FSTL5: variants seen among roughly 807,000 people sequenced by gnomAD.
FSTL5 encodes the protein follistatin-related protein 5.
A neutral mutation model predicts 89.1 loss-of-function variants in FSTL5; 62 were observed. The ratio of observed to expected loss-of-function variants is 0.70; its 90% CI spans 0.57 to 0.86. The LOEUF (loss-of-function observed/expected upper bound fraction) is 0.86, where lower values mean the gene tolerates loss of function less well. Ranked by LOEUF, FSTL5 falls within the 40% of genes least tolerant of loss-of-function variation. The pLI, the probability that FSTL5 is intolerant of heterozygous loss-of-function variation, is 0.00. For synonymous variants in FSTL5, 383 were observed against 346.2 expected (o/e 1.11, Z -1.18); for missense variants, 1,057 against 1,001.6 (o/e 1.06, Z -0.75).
At chr4:161,852,887 C>T (rs1333438997) in intron 4 of FSTL5, among the ~76,000 whole-genome samples, 1 of 152,010 alleles carries the variant, frequency 6.6e-6, no homozygotes, top group Non-Finnish European at 1.5e-5. Context: ...TAATGGATAC[C>T]AGGCTTAATA....
intron 4 of FSTL5, among the ~76,000 whole-genome samples, chr4:161,826,655 T>TC (rs1560867617): frequency 6.6e-6 from 1 of 152,210 alleles, no homozygotes; most frequent in East Asian, 1.9e-4. Context: ...CCTTTCTTTG[T>TC]GTTTTTTATG....
chr4:162,005,947 C>T (rs968286904), intron 3 of FSTL5, among the ~76,000 whole-genome samples: 4 of 152,082 alleles, frequency 2.6e-5, no homozygotes, highest in Admixed American at 2.6e-4. Flanking sequence ...ATCAATTGTG[C>T]TGTTTTTATG....
intron 15 of FSTL5, among the ~76,000 whole-genome samples, chr4:161,426,744 C>G (rs540534550): frequency 6.6e-6 from 1 of 152,094 alleles, no homozygotes; most frequent in African/African-American, 2.4e-5. Flanking sequence ...AGTAAAACAA[C>G]CTTACTTTGT....
chr4:161,857,268 T>C (rs1366638791), intron 4 of FSTL5, among the ~76,000 whole-genome samples: 1 of 152,140 alleles, frequency 6.6e-6, no homozygotes, highest in African/African-American at 2.4e-5. Context: ...ATACATATTT[T>C]AAAGGTGTTG....
chr4:161,417,615 G>A (rs116228091), intron 15 of FSTL5, among the ~76,000 whole-genome samples: 102 of 152,314 alleles, frequency 6.7e-4, no homozygotes, highest in African/African-American at 2.4e-3. Flanking sequence ...CGGGGGCCAG[G>A]TTACCTGCCT....
intron 3 of FSTL5, among the ~76,000 whole-genome samples, chr4:161,937,712 C>T (rs1404087925): frequency 6.6e-6 from 1 of 152,042 alleles, no homozygotes; most frequent in Admixed American, 6.6e-5. Flanking sequence ...AGTCAGCTAC[C>T]AATACATTTT....
chr4:161,732,544 A>C (rs561848478), intron 6 of FSTL5, among the ~76,000 whole-genome samples: 2 of 152,052 alleles, frequency 1.3e-5, no homozygotes, highest in Admixed American at 6.6e-5. Context: ...AGTAATTTTT[A>C]TATATAATTA....
chr4:161,505,969 C>G (rs558676799), intron 11 of FSTL5, among the ~76,000 whole-genome samples: 1 of 152,272 alleles, frequency 6.6e-6, no homozygotes, highest in East Asian at 1.9e-4. Flanking sequence ...TCCCCTCCCC[C>G]CAATGCCATG....
At chr4:162,156,227 A>T (rs1733465371) in intron 1 of FSTL5, among the ~76,000 whole-genome samples, 1 of 152,216 alleles carries the variant, frequency 6.6e-6, no homozygotes, top group African/African-American at 2.4e-5. Flanking sequence ...GTTATGATTA[A>T]AAAGTCAAAA....
chr4:161,990,970 T>TTAG (rs1159599251), intron 3 of FSTL5, among the ~76,000 whole-genome samples: 2 of 152,102 alleles, frequency 1.3e-5, no homozygotes, highest in Non-Finnish European at 2.9e-5. Flanking sequence ...TAGCAGGATG[T>TTAG]TAGCAATGGA....
intron 2 of FSTL5, among the ~76,000 whole-genome samples, chr4:162,050,129 A>C (rs1738331388): frequency 6.6e-6 from 1 of 151,952 alleles, no homozygotes; most frequent in Non-Finnish European, 1.5e-5. Context: ...AAAGAGTTAA[A>C]TAAGTTGTAA....
intron 7 of FSTL5, among the ~76,000 whole-genome samples, chr4:161,633,291 T>TTTTTTATTA (rs70937669): frequency 1.4e-4 from 20 of 140,724 alleles, no homozygotes; most frequent in African/African-American, 4.9e-4. Flanking sequence ...ACTAATTCTT[T>TTTTTTATTA]TTATTATTAT....
At chr4:162,091,047 G>A (rs767554076) in intron 2 of FSTL5, among the ~76,000 whole-genome samples, 5 of 151,968 alleles carry the variant, frequency 3.3e-5, no homozygotes, top group East Asian at 1.9e-4. Flanking sequence ...AATCACTGAC[G>A]ATATTGAAGT....
At chr4:161,773,706 T>C (rs1342580438) in intron 5 of FSTL5, among the ~76,000 whole-genome samples, 1 of 152,114 alleles carries the variant, frequency 6.6e-6, no homozygotes, top group African/African-American at 2.4e-5. Flanking sequence ...TTGATGTGGA[T>C]GTGGTCAAAG....
At chr4:161,720,267 G>A (rs1739148927) in intron 6 of FSTL5, among the ~76,000 whole-genome samples, 1 of 150,160 alleles carries the variant, frequency 6.7e-6, no homozygotes, top group African/African-American at 2.4e-5. Context: ...TGAATAAAAT[G>A]CTGTGGTCAC....
chr4:161,897,237 A>T (rs1733189802), intron 4 of FSTL5, among the ~76,000 whole-genome samples: 1 of 151,890 alleles, frequency 6.6e-6, no homozygotes, highest in Admixed American at 6.6e-5. Flanking sequence ...TAATTTACAT[A>T]TTTATAATAG....
At chr4:162,047,365 CTT>C (rs1182820430) in intron 2 of FSTL5, 1 of 152,060 alleles carries the variant, frequency 6.6e-6, no homozygotes, top group Non-Finnish European at 1.5e-5. Context: ...CCTATTATCT[CTT>C]TTAAGGTGCC....
chr4:161,455,249 C>T, intron 14 of FSTL5, 121 bp from the exon 15 acceptor site: 1 of 624,444 alleles, frequency 1.6e-6, no homozygotes, highest in Non-Finnish European at 2.4e-6. Flanking sequence ...TTTATGCCAT[C>T]CTCAAAATCA....
intron 4 of FSTL5, among the ~76,000 whole-genome samples, chr4:161,874,108 A>G (rs1732362354): frequency 6.6e-6 from 1 of 152,104 alleles, no homozygotes; most frequent in African/African-American, 2.4e-5. Context: ...AATATATTAG[A>G]TGATACAAAC....
Sources: gnomAD v4.1 joint callset for allele counts (sites outside exome capture counted in the v4.1 genomes callset) on GRCh38, gnomAD v4.1.1 for gene constraint, MANE v1.5 for transcripts, NCBI Gene and HGNC (gene_info 2026-07-23, HGNC 2026-07-21) for gene names.